The following PYGL variants were observed in gnomAD, a reference collection of about 807,000 sequenced individuals.
The protein encoded by PYGL is glycogen phosphorylase L.
Under a neutral mutation model 100.1 loss-of-function variants are expected in PYGL, and 90 were observed. That is an observed-to-expected ratio of 0.90 (90% confidence interval 0.76 to 1.07). PYGL has a LOEUF of 1.07. Among genes scored for constraint, PYGL ranks in the 50% least tolerant of loss-of-function variants. PYGL has a pLI of 0.00. For missense variants in PYGL, 1,016 were observed against 1,057.6 expected (o/e 0.96, Z 0.55); for synonymous variants, 373 against 393.0 (o/e 0.95, Z 0.60).
chr14:50,927,543 G>A (rs2050562688), intron 4 of PYGL, among the ~76,000 whole-genome samples: 1 of 152,080 alleles, frequency 6.6e-6, no homozygotes, highest in Middle Eastern at 3.2e-3. Flanking sequence ...TCTTTTGAGG[G>A]TACACTCTTA....
intron 4 of PYGL, among the ~76,000 whole-genome samples, chr14:50,927,243 G>T (rs2050558330): frequency 6.6e-6 from 1 of 152,080 alleles, no homozygotes; most frequent in African/African-American, 2.4e-5. Flanking sequence ...CATTTTCTTT[G>T]AGACACAGTT....
chr14:50,910,983 A>C (rs534106330), intron 16 of PYGL, among the ~76,000 whole-genome samples: 1 of 152,244 alleles, frequency 6.6e-6, no homozygotes, highest in East Asian at 1.9e-4. Flanking sequence ...TTGCATCCCT[A>C]GGAACCTGGC....
chr14:50,908,350 G>C lies in PYGL; in HGVS notation c.2313-13C>G, dbSNP rs773232998. The C allele has an allele frequency of 7.6e-6, 12 of 1,572,380 alleles. No individual in the cohort carries two copies. In the South Asian group the frequency reaches 1.3e-4, roughly 17 times the overall value. The stretch of plus-strand genomic sequence containing the variant: ...AAAGACTTTAAACCTTTTATTTTGT[G>C]AGTGGAAGAGGAAAAAAACAGTCAA... On this transcript the variant is annotated splice_polypyrimidine_tract_variant and intron_variant, in intron 18 of 19. Transcript: ENST00000216392.
chr14:50,909,860 C>T, intron 17 of PYGL, 35 bp downstream of exon 17: 1 of 1,609,278 alleles, frequency 6.2e-7, no homozygotes, highest in South Asian at 1.1e-5. Flanking sequence ...GGGGGAGGGG[C>T]AGTCCTGCCT....
At position 50,944,137 on chromosome 14, in the gene PYGL, G is replaced by GCCCGCCGT. The variant is rs1483333185; in HGVS notation, c.243+16_243+23dup. 4.4e-6 allele frequency: 7 copies of GCCCGCCGT among 1,586,512 alleles called. No homozygotes were observed. The African/African-American group carries it at 5.4e-5, about 12-fold the overall frequency. On this transcript the variant is annotated intron_variant, in intron 1 of 19. Coordinates refer to ENST00000216392, the MANE Select transcript of PYGL (RefSeq NM_002863.5). ...GACTCCGACTCCGGGCTGGACCCCG[G>GCCCGCCGT]CCCGCCGTCCCGCCCCCGGTTACCT...
intron 11 of PYGL, 106 bp downstream of exon 11, chr14:50,915,230 A>G (rs2050435196): frequency 7.3e-7 from 1 of 1,364,688 alleles, no homozygotes; most frequent in Non-Finnish European, 1.0e-6. Context: ...ACTTTTAAAC[A>G]TTTGAACAAG....
chr14:50,912,354 G>A lies in PYGL; in HGVS notation c.1621-51C>T, dbSNP rs1478566366. The A allele has an allele frequency of 3.1e-6, 5 of 1,598,818 alleles. No individual in the cohort carries two copies. In the South Asian group the frequency reaches 4.4e-5, roughly 14 times the overall value. On this transcript the variant is annotated intron_variant, in intron 13 of 19. Transcript: ENST00000216392. ...AGCTCTTTTGGCCTAGAAGAATTGG[G>A]TGGTCTGGTTTTTCTTTTTTTTGAG...
chr14:50,932,424 A>T (rs1337581473), intron 3 of PYGL, among the ~76,000 whole-genome samples: 1 of 152,180 alleles, frequency 6.6e-6, no homozygotes, highest in Admixed American at 6.5e-5. Flanking sequence ...ATTCAATCAG[A>T]TGAGTGGTGC....
intron 2 of PYGL, among the ~76,000 whole-genome samples, chr14:50,936,300 T>C (rs1455409829): frequency 2.0e-5 from 3 of 152,330 alleles, no homozygotes; most frequent in Non-Finnish European, 4.4e-5. Context: ...GTGCTTGAAG[T>C]TGTGCCCCCG....
chr14:50,934,631 A>G (rs1466841218), intron 3 of PYGL, among the ~76,000 whole-genome samples: 2 of 152,076 alleles, frequency 1.3e-5, no homozygotes, highest in Non-Finnish European at 2.9e-5. Context: ...TATATATTCC[A>G]GACATTTACA....
intron 4 of PYGL, among the ~76,000 whole-genome samples, chr14:50,927,068 CAT>C (rs1253582334): frequency 6.6e-6 from 1 of 152,074 alleles, no homozygotes; most frequent in East Asian, 1.9e-4. Flanking sequence ...GAACTGATGA[CAT>C]ATTTTTTTGC....
At chr14:50,919,895 G>C (rs1307740111) in intron 7 of PYGL, among the ~76,000 whole-genome samples, 1 of 152,010 alleles carries the variant, frequency 6.6e-6, no homozygotes, top group East Asian at 1.9e-4. Flanking sequence ...TGTTGGCCAG[G>C]CTGGTCTCGA....
At position 50,908,271 on chromosome 14, in the gene PYGL, C is replaced by G; in HGVS notation, c.2379G>C (p.Met793Ile). 1 of 1,582,220 alleles carries G rather than the reference C, an allele frequency of 6.3e-7. No homozygotes were observed. The highest frequency in any genetic ancestry group is 8.7e-7 in the Non-Finnish European group (1 of 1,151,228). The change falls in exon 19 of 20, where the codon ATG (methionine) becomes ATC (isoleucine). Residue 793 changes from methionine (M) to isoleucine (I), a missense_variant and splice_region_variant. Physicochemically the swap from Met to Ile is conservative, Grantham distance 10. Coordinates refer to ENST00000216392, the MANE Select transcript of PYGL (RefSeq NM_002863.5). The part of the protein sequence containing the change: ...KCQDKVSQLY[M>I]NPKAWNTMVL... ...TTATAAATCTTGGCAATTTACTCAC[C>G]ATGTACAGCTGACTCACTTTATCTT...
Position 50,934,950 on chromosome 14 carries a change from A to G in PYGL, c.424+157T>C, listed in dbSNP as rs536818521. Among the ~76,000 whole-genome samples, 14 of 152,300 alleles carry G rather than the reference A, an allele frequency of 9.2e-5. No homozygotes were observed. The South Asian group carries it at 2.9e-3, about 32-fold the overall frequency. ...CTACTATTTGTCTAGAATTGATCAA[A>G]CCAAAGTGCAAACTCAAGAACAAAT... On this transcript the variant is annotated intron_variant, in intron 3 of 19. Coordinates refer to ENST00000216392, the MANE Select transcript of PYGL (RefSeq NM_002863.5).
At chr14:50,920,223 A>T (rs551528641) in intron 7 of PYGL, among the ~76,000 whole-genome samples, 37 of 152,314 alleles carry the variant, frequency 2.4e-4, no homozygotes, top group African/African-American at 8.2e-4. Flanking sequence ...TTCTATCTGG[A>T]AAGGAGGCAG....
chr14:50,908,475 G>T, intron 18 of PYGL, 138 bp from the exon 19 acceptor site: 3 of 866,126 alleles, frequency 3.5e-6, no homozygotes, highest in Non-Finnish European at 5.6e-6. Flanking sequence ...CTGTTTGTAA[G>T]ACTTTTAACC....
chr14:50,910,299 C>T (rs2050381092), intron 16 of PYGL, among the ~76,000 whole-genome samples, 197 bp from the exon 17 acceptor site: 1 of 152,160 alleles, frequency 6.6e-6, no homozygotes, highest in Non-Finnish European at 1.5e-5. Flanking sequence ...ATTTTATATG[C>T]TTGTATTTCT....
intron 8 of PYGL, 31 bp downstream of exon 8, chr14:50,916,931 C>T (rs776212036): frequency 6.2e-6 from 10 of 1,610,058 alleles, no homozygotes; most frequent in Non-Finnish European, 8.5e-6. Context: ...CCTCAGTGGA[C>T]CCTAACTGCA....
chr14:50,910,942 G>A (rs780582729), intron 16 of PYGL, among the ~76,000 whole-genome samples: 1 of 152,234 alleles, frequency 6.6e-6, no homozygotes, highest in Non-Finnish European at 1.5e-5. Flanking sequence ...TTTACTGTGA[G>A]AGCTTATTTG....
Sources: gnomAD v4.1 joint callset for allele counts (sites outside exome capture counted in the v4.1 genomes callset) on GRCh38, gnomAD v4.1.1 for gene constraint, MANE v1.5 for transcripts, NCBI Gene and HGNC (gene_info 2026-07-23, HGNC 2026-07-21) for gene names.